Variants in XPO4 observed in about 807,000 individuals in gnomAD.
XPO4 encodes exportin-4.
In XPO4, 39 loss-of-function variants were observed where a neutral mutation model predicts 143.0. The ratio of observed to expected loss-of-function variants is 0.27; its 90% CI spans 0.21 to 0.36. XPO4 has a LOEUF of 0.36. XPO4 is among the 10% of genes least tolerant of loss of function. XPO4 has a pLI of 1.00. For synonymous variants in XPO4, 439 were observed against 474.0 expected, an observed-to-expected ratio of 0.93 and a Z score of 0.96; for missense variants, 907 against 1,348.0, an observed-to-expected ratio of 0.67 and a Z score of 5.12.
intron 16 of XPO4, among the ~76,000 whole-genome samples, chr13:20,798,147 AAAAAG>A (rs1251413773): frequency 6.6e-6 from 1 of 152,166 alleles, no homozygotes; most frequent in Non-Finnish European, 1.5e-5. Flanking sequence ...CGTCTCAAAA[AAAAAG>A]AAAATAGGGT....
chr13:20,876,283 A>C (rs2060352712), intron 1 of XPO4, among the ~76,000 whole-genome samples: 1 of 151,232 alleles, frequency 6.6e-6, no homozygotes, highest in Non-Finnish European at 1.5e-5. Context: ...AAAAAAAAAA[A>C]AGAATAAGAA....
At chr13:20,834,342 T>C (rs1566594670) in intron 6 of XPO4, among the ~76,000 whole-genome samples, 1 of 152,054 alleles carries the variant, frequency 6.6e-6, no homozygotes, top group Non-Finnish European at 1.5e-5. Flanking sequence ...GAAAATGAAA[T>C]TTAAAAAACA....
chr13:20,794,573 A>G (rs2059331180), intron 18 of XPO4, among the ~76,000 whole-genome samples: 1 of 152,154 alleles, frequency 6.6e-6, no homozygotes, highest in South Asian at 2.1e-4. Context: ...CTGTATTAGT[A>G]AGAGGTTAAG....
intron 18 of XPO4, 100 bp from the exon 19 acceptor site, chr13:20,790,680 A>C (rs1380911701): frequency 1.1e-6 from 1 of 881,280 alleles, no homozygotes. Flanking sequence ...CTAGAGGCTA[A>C]ATAAATCAAT....
At chr13:20,859,798 AG>A in intron 3 of XPO4, 1 of 895,368 alleles carries the variant, frequency 1.1e-6, no homozygotes, top group South Asian at 5.2e-5. Context: ...AAAAAAAAAA[AG>A]AACAAATAAA....
chr13:20,829,252 C>T (rs2059823648), intron 6 of XPO4, among the ~76,000 whole-genome samples: 1 of 152,170 alleles, frequency 6.6e-6, no homozygotes, highest in Non-Finnish European at 1.5e-5. Context: ...GCCAGCACAC[C>T]TGGCCAATTC....
At position 20,809,162 on chromosome 13, in the gene XPO4, C is replaced by G. The variant is rs1433896819; in HGVS notation, c.1414G>C (p.Asp472His). Residue 472 changes from aspartate (D) to histidine (H), a missense_variant, in exon 11 of 23, where the codon GAC becomes CAC. Physicochemically the swap from Asp to His is moderately conservative, Grantham distance 81 (BLOSUM62 -1). Coordinates refer to ENST00000255305, the MANE Select transcript of XPO4 (RefSeq NM_022459.5). ...CTGGCCAGTTGATCAGAAAACTGGT[C>G]TCGATCATCCTCTTGAAGTTCACTT... ...EISELQEDDR[D>H]QFSDQLASVG... 1 of 1,614,032 alleles carries G rather than the reference C, an allele frequency of 6.2e-7. No individual in the cohort carries two copies. Among genetic ancestry groups the G allele is most frequent in the Non-Finnish European group, 8.5e-7 (1 of 1,180,016 alleles).
rs79404136 is a variant in XPO4, at chr13:20,793,558, T to C, written c.2797+2518A>G. Among the ~76,000 whole-genome samples, 14 of 152,242 alleles carry C rather than the reference T, an allele frequency of 9.2e-5. No homozygotes were observed. The East Asian group carries it at 2.3e-3, about 25-fold the overall frequency. On this transcript the variant is annotated intron_variant, in intron 18 of 22. Transcript: ENST00000255305. Reference sequence around the variant, plus strand: ...CCCCCTGCCCTTTCTTATTGACTGATTGACTGATTGATTGAAACAGAGTCT... The same window carrying C: ...CCCCCTGCCCTTTCTTATTGACTGACTGACTGATTGATTGAAACAGAGTCT...
intron 4 of XPO4, among the ~76,000 whole-genome samples, chr13:20,846,242 T>A (rs2060027787): frequency 6.6e-6 from 1 of 152,238 alleles, no homozygotes; most frequent in African/African-American, 2.4e-5. Flanking sequence ...AACATCTCTC[T>A]AATTAATGAT....
At chr13:20,865,452 A>G in intron 2 of XPO4, 1 of 985,294 alleles carries the variant, frequency 1.0e-6, no homozygotes, top group Non-Finnish European at 1.2e-6. Flanking sequence ...TAGAATTTCT[A>G]AACTACTTCT....
chr13:20,865,545 C>T, intron 2 of XPO4: 1 of 976,460 alleles, frequency 1.0e-6, no homozygotes, highest in Non-Finnish European at 1.2e-6. Context: ...CATCTGCTAC[C>T]ACAGTAACTT....
intron 1 of XPO4, among the ~76,000 whole-genome samples, chr13:20,880,135 A>G (rs926280945): frequency 2.0e-5 from 3 of 152,178 alleles, no homozygotes; most frequent in Non-Finnish European, 4.4e-5. Context: ...CAGCCAAACA[A>G]AAAAAGGAAC....
chr13:20,808,475 C>T lies in XPO4; in HGVS notation c.1600G>A (p.Asp534Asn). 2 of 1,574,004 alleles carry T rather than the reference C, an allele frequency of 1.3e-6. No individual in the cohort carries two copies. The highest frequency in any genetic ancestry group is 1.7e-6 in the Non-Finnish European group (2 of 1,150,142). The change falls in exon 12 of 23, where the codon GAT (aspartate) becomes AAT (asparagine). Residue 534 changes from aspartate to asparagine, a missense_variant. By Grantham distance (23) the Asp-to-Asn change is conservative (BLOSUM62 1). Coordinates refer to ENST00000255305, the MANE Select transcript of XPO4 (RefSeq NM_022459.5). ...SSTVDNKMLD[D>N]LYEDIHWLIL... Reference sequence around the variant, plus strand: ...AGCCAGTGAATATCTTCATAGAGATCATCAAGCATTTTGTTGTCAACAGTG... The same window carrying T: ...AGCCAGTGAATATCTTCATAGAGATTATCAAGCATTTTGTTGTCAACAGTG...
chr13:20,845,722 C>T (rs1325490948), intron 4 of XPO4, among the ~76,000 whole-genome samples: 1 of 152,134 alleles, frequency 6.6e-6, no homozygotes, highest in African/African-American at 2.4e-5. Context: ...TAACATTAGA[C>T]AGATACATTT....
At chr13:20,814,905 G>GA (rs1417288076) in intron 9 of XPO4, among the ~76,000 whole-genome samples, 30 of 152,200 alleles carry the variant, frequency 2.0e-4, no homozygotes, top group African/African-American at 7.2e-4. Flanking sequence ...TTTAGTCATA[G>GA]AAAAAAATCT....
chr13:20,850,891 AAATT>A, intron 4 of XPO4: 1 of 985,402 alleles, frequency 1.0e-6, no homozygotes. Context: ...TGTGAGGGGA[AAATT>A]AGTTATCTAA....
At chr13:20,878,214 T>G (rs559430521) in intron 1 of XPO4, among the ~76,000 whole-genome samples, 3 of 152,236 alleles carry the variant, frequency 2.0e-5, no homozygotes, top group East Asian at 3.9e-4. Flanking sequence ...TGGGGTATCA[T>G]TATAAACTGC....
intron 3 of XPO4, chr13:20,860,050 G>A (rs545391209): frequency 9.0e-4 from 139 of 154,520 alleles, no homozygotes; most frequent in Non-Finnish European, 1.7e-3. Context: ...GTCTGGTCCA[G>A]ATGATGACAG....
intron 1 of XPO4, among the ~76,000 whole-genome samples, chr13:20,869,929 C>A (rs1012017081): frequency 1.3e-5 from 2 of 151,766 alleles, no homozygotes; most frequent in Non-Finnish European, 2.9e-5. Context: ...CATGGTGAAA[C>A]CCAGTCTCTA....
Sources: allele counts gnomAD v4.1 joint callset (sites outside exome capture counted in the v4.1 genomes callset), GRCh38; gene constraint gnomAD v4.1.1; transcripts MANE v1.5; gene names NCBI Gene and HGNC (gene_info 2026-07-23, HGNC 2026-07-21).